Variants in LMNTD1 observed in about 807,000 individuals in gnomAD.
LMNTD1 encodes the protein lamin tail domain-containing protein 1.
In LMNTD1, 35 loss-of-function variants were observed where a neutral mutation model predicts 50.9. The ratio of observed to expected loss-of-function variants is 0.69; its 90% confidence interval spans 0.53 to 0.91. LMNTD1 has a LOEUF of 0.91. Ranked by LOEUF, LMNTD1 falls within the 40% of genes least tolerant of loss-of-function variation. The pLI, the probability that LMNTD1 is intolerant of heterozygous loss-of-function variation, is 0.00. For synonymous variants in LMNTD1, 153 were observed against 161.9 expected (o/e 0.94, Z 0.42); for missense variants, 470 against 475.5 (o/e 0.99, Z 0.11).
chr12:25,526,720 G>T, intron 5 of LMNTD1, 49 bp downstream of exon 5: 1 of 1,295,902 alleles, frequency 7.7e-7, no homozygotes, highest in Non-Finnish European at 1.1e-6. Flanking sequence ...GTGTCAACAA[G>T]TTTGTCCTGT....
At chr12:25,522,692 C>T (rs1941409932) in intron 6 of LMNTD1, among the ~76,000 whole-genome samples, 1 of 152,018 alleles carries the variant, frequency 6.6e-6, no homozygotes, top group Non-Finnish European at 1.5e-5. Flanking sequence ...TAATGCAAAA[C>T]AATGTATTGG....
chr12:25,519,033 G>A, intron 7 of LMNTD1, 66 bp from the exon 8 acceptor site: 2 of 1,471,022 alleles, frequency 1.4e-6, no homozygotes, highest in Non-Finnish European at 1.9e-6. Flanking sequence ...AATGTTGAAG[G>A]CACAATTAAA....
chr12:25,603,714 C>A (rs1474937312), intron 1 of LMNTD1, among the ~76,000 whole-genome samples: 1 of 151,924 alleles, frequency 6.6e-6, no homozygotes, highest in Non-Finnish European at 1.5e-5. Flanking sequence ...AATAAATATA[C>A]ACAAATAGCA....
At chr12:25,582,797 A>G (rs1312320259) in intron 1 of LMNTD1, among the ~76,000 whole-genome samples, 3 of 152,204 alleles carry the variant, frequency 2.0e-5, no homozygotes, top group Non-Finnish European at 4.4e-5. Context: ...AATGCACACC[A>G]AACCTATACC....
At chr12:25,503,185 C>T (rs947408165) in intron 9 of LMNTD1, 2 of 152,014 alleles carry the variant, frequency 1.3e-5, no homozygotes, top group Non-Finnish European at 2.9e-5. Flanking sequence ...TTTAGGGAAG[C>T]ATTTAAACTC....
chr12:25,480,372 G>A (rs1253370448), intron 9 of LMNTD1, among the ~76,000 whole-genome samples: 1 of 152,200 alleles, frequency 6.6e-6, no homozygotes, highest in African/African-American at 2.4e-5. Context: ...GTCTTGAAGG[G>A]ACACTTGAGC....
chr12:25,632,631 G>A (rs1946744431), intron 1 of LMNTD1, among the ~76,000 whole-genome samples: 1 of 151,988 alleles, frequency 6.6e-6, no homozygotes, highest in Non-Finnish European at 1.5e-5. Flanking sequence ...ACCACTACAA[G>A]GACTGCTAAA....
At chr12:25,585,916 A>T (rs1945505959) in intron 1 of LMNTD1, 1 of 152,232 alleles carries the variant, frequency 6.6e-6, no homozygotes, top group South Asian at 2.1e-4. Flanking sequence ...CATATTTTAC[A>T]GATGAAGAAA....
intron 1 of LMNTD1, among the ~76,000 whole-genome samples, chr12:25,614,571 A>G (rs1335402671): frequency 6.6e-6 from 1 of 152,110 alleles, no homozygotes; most frequent in East Asian, 1.9e-4. Context: ...TTTTCCTCCT[A>G]AAGTTAGTTT....
intron 1 of LMNTD1, among the ~76,000 whole-genome samples, chr12:25,642,009 A>G (rs1287815457): frequency 2.0e-5 from 3 of 152,170 alleles, no homozygotes; most frequent in Non-Finnish European, 4.4e-5. Flanking sequence ...TCAGCAACCC[A>G]AGAGTTTTCC....
chr12:25,488,171 C>T (rs1472788200), intron 9 of LMNTD1, among the ~76,000 whole-genome samples: 12 of 141,764 alleles, frequency 8.5e-5, no homozygotes, highest in East Asian at 2.1e-4. Flanking sequence ...TGAATCTGAA[C>T]GTTGGCCTGC....
chr12:25,522,380 G>A (rs369580290), intron 6 of LMNTD1, among the ~76,000 whole-genome samples: 1 of 152,038 alleles, frequency 6.6e-6, no homozygotes, highest in African/African-American at 2.4e-5. Flanking sequence ...GAGAATTTTC[G>A]ATGACAATGA....
chr12:25,625,798 C>G (rs1333069515), intron 1 of LMNTD1, among the ~76,000 whole-genome samples: 1 of 152,192 alleles, frequency 6.6e-6, no homozygotes, highest in Non-Finnish European at 1.5e-5. Context: ...ACCACCAAGA[C>G]AGGCTGGAGA....
chr12:25,623,582 G>T (rs1255419368), intron 1 of LMNTD1, among the ~76,000 whole-genome samples: 1 of 120,658 alleles, frequency 8.3e-6, no homozygotes, highest in Non-Finnish European at 1.7e-5. Context: ...AAAAAAAAAA[G>T]GAGAGAAAGC....
chr12:25,536,695 A>G (rs1001226492), intron 4 of LMNTD1, among the ~76,000 whole-genome samples: 3 of 127,730 alleles, frequency 2.3e-5, no homozygotes, highest in Non-Finnish European at 5.2e-5. Context: ...AGAAAAAAAA[A>G]GCAAATAAAG....
chr12:25,567,590 G>A (rs557470344), intron 1 of LMNTD1, among the ~76,000 whole-genome samples: 24 of 152,258 alleles, frequency 1.6e-4, no homozygotes, highest in Admixed American at 8.5e-4. Context: ...TTGGTCCCTC[G>A]TGAATGGTTT....
At chr12:25,512,862 T>A (rs201092227) in intron 8 of LMNTD1, among the ~76,000 whole-genome samples, 19 of 132,972 alleles carry the variant, frequency 1.4e-4, no homozygotes, top group Non-Finnish European at 2.6e-4. Context: ...ATTTTTTTTT[T>A]ATGGGGGGGG....
intron 4 of LMNTD1, among the ~76,000 whole-genome samples, chr12:25,534,314 TA>T (rs1942427412): frequency 6.6e-6 from 1 of 152,208 alleles, no homozygotes; most frequent in Admixed American, 6.5e-5. Flanking sequence ...CTGAAACAAC[TA>T]AAAATCTGGA....
chr12:25,484,904 T>C (rs1432777987), intron 9 of LMNTD1, among the ~76,000 whole-genome samples: 1 of 149,062 alleles, frequency 6.7e-6, no homozygotes, highest in African/African-American at 2.5e-5. Flanking sequence ...CAGTCTATCA[T>C]TGTTGGACAT....
Sources: gnomAD v4.1 joint callset for allele counts (sites outside exome capture counted in the v4.1 genomes callset) on GRCh38, gnomAD v4.1.1 for gene constraint, MANE v1.5 for transcripts, NCBI Gene and HGNC (gene_info 2026-07-23, HGNC 2026-07-21) for gene names.